TMTC2: variants seen among roughly 807,000 people sequenced by gnomAD.
TMTC2 encodes the protein protein O-mannosyl-transferase TMTC2.
A neutral mutation model predicts 82.4 loss-of-function variants in TMTC2; 43 were observed. That is an observed-to-expected ratio of 0.52 (90% confidence interval 0.41 to 0.67). TMTC2 has a LOEUF of 0.67. TMTC2 is among the 30% of genes least tolerant of loss of function. TMTC2 has a pLI of 0.00. For missense variants in TMTC2, 919 were observed against 1,012.4 expected (o/e 0.91, Z 1.25); for synonymous variants, 408 against 381.9 (o/e 1.07, Z -0.80).
At chr12:82,983,745 A>G (rs1462144383) in intron 7 of TMTC2, among the ~76,000 whole-genome samples, 1 of 152,040 alleles carries the variant, frequency 6.6e-6, no homozygotes, top group Non-Finnish European at 1.5e-5. Context: ...TTGATTTTGT[A>G]TGGGACCTGT....
At chr12:82,974,375 C>T (rs1878577467) in intron 7 of TMTC2, among the ~76,000 whole-genome samples, 1 of 152,154 alleles carries the variant, frequency 6.6e-6, no homozygotes, top group South Asian at 2.1e-4. Context: ...TTTTATGTTA[C>T]ACCTGGAAAA....
At chr12:83,123,919 C>G (rs889908532) in intron 11 of TMTC2, among the ~76,000 whole-genome samples, 1 of 152,282 alleles carries the variant, frequency 6.6e-6, no homozygotes, top group East Asian at 1.9e-4. Flanking sequence ...ACAGCTCAGT[C>G]TTAGTATCTC....
intron 7 of TMTC2, among the ~76,000 whole-genome samples, chr12:82,979,660 T>C (rs1306722008): frequency 6.6e-6 from 1 of 151,872 alleles, no homozygotes. Flanking sequence ...TAATATTCTG[T>C]GTTTTTCTCC....
chr12:82,780,612 G>C (rs1877852832), intron 1 of TMTC2, among the ~76,000 whole-genome samples: 1 of 152,056 alleles, frequency 6.6e-6, no homozygotes, highest in Non-Finnish European at 1.5e-5. Context: ...TGAAAAGAAA[G>C]ATTAGGAAAT....
intron 1 of TMTC2, among the ~76,000 whole-genome samples, chr12:82,708,934 G>C (rs1307113129): frequency 2.6e-5 from 4 of 152,128 alleles, no homozygotes; most frequent in Admixed American, 2.0e-4. Flanking sequence ...TACTGGTCCT[G>C]ATTTTCTGTG....
chr12:82,694,103 T>A (rs1040386731), intron 1 of TMTC2, among the ~76,000 whole-genome samples: 19 of 152,064 alleles, frequency 1.2e-4, no homozygotes, highest in Admixed American at 2.6e-4. Flanking sequence ...AGTAAACCTA[T>A]CTGTGTAAAC....
At chr12:83,062,783 T>C (rs1001782075) in intron 11 of TMTC2, among the ~76,000 whole-genome samples, 2 of 151,736 alleles carry the variant, frequency 1.3e-5, no homozygotes, top group Non-Finnish European at 2.9e-5. Context: ...TATACAGAGG[T>C]ATATACAGTC....
At chr12:82,786,041 C>T (rs1446944009) in intron 1 of TMTC2, among the ~76,000 whole-genome samples, 2 of 152,000 alleles carry the variant, frequency 1.3e-5, no homozygotes, top group African/African-American at 2.4e-5. Context: ...CATTGCCTGT[C>T]GAACAATACA....
Position 82,802,091 on chromosome 12 carries a change from T to C in TMTC2, c.84-54919T>C, listed in dbSNP as rs140675049. Among the ~76,000 whole-genome samples, 418 of 151,780 alleles carry C rather than the reference T, an allele frequency of 2.8e-3. 1 individual carries two copies. Among genetic ancestry groups the C allele is most frequent in the African/African-American group, 9.3e-3 (385 of 41,380 alleles). On this transcript the variant is annotated intron_variant, in intron 1 of 11. Coordinates refer to ENST00000321196, the MANE Select transcript of TMTC2 (RefSeq NM_152588.3). ...GAACTGGGCGCCATGGAGCAGGGGG[T>C]GGCGTTCGTGGGGGAGGCTCTGGCA... is the stretch of plus-strand genomic sequence containing the variant.
chr12:82,980,259 G>C (rs1168291299), intron 7 of TMTC2, among the ~76,000 whole-genome samples: 5 of 151,498 alleles, frequency 3.3e-5, no homozygotes, highest in African/African-American at 1.2e-4. Context: ...CTATAAAAGG[G>C]AACTTATCAT....
rs190392822 is a variant in TMTC2 at position 82,938,077 on chromosome 12, C to T, written c.1598+7532C>T. Among the ~76,000 whole-genome samples, 304 of 151,670 alleles carry T rather than the reference C, an allele frequency of 2.0e-3. 1 individual carries two copies. Among genetic ancestry groups the T allele is most frequent in the African/African-American group, 7.0e-3 (289 of 41,284 alleles). On this transcript the variant is annotated intron_variant, in intron 4 of 11. Coordinates refer to ENST00000321196, the MANE Select transcript of TMTC2 (RefSeq NM_152588.3). Reference sequence around the variant, plus strand: ...TACAGATACCCACCACCACACCCGGCTAATTTTTGTATTTTTAGTAGAGAC... The same window carrying T: ...TACAGATACCCACCACCACACCCGGTTAATTTTTGTATTTTTAGTAGAGAC...
intron 1 of TMTC2, among the ~76,000 whole-genome samples, chr12:82,713,988 A>G (rs1276360666): frequency 6.6e-6 from 1 of 152,204 alleles, no homozygotes; most frequent in Non-Finnish European, 1.5e-5. Context: ...GGACTGTCTC[A>G]TTTATTTCTT....
At chr12:82,706,152 T>C (rs1413562671) in intron 1 of TMTC2, among the ~76,000 whole-genome samples, 1 of 151,400 alleles carries the variant, frequency 6.6e-6, no homozygotes, top group Non-Finnish European at 1.5e-5. Context: ...CTACTAAAAG[T>C]ACGAAAATTA....
intron 1 of TMTC2, among the ~76,000 whole-genome samples, chr12:82,767,406 A>T (rs1259307032): frequency 2.6e-5 from 4 of 152,158 alleles, no homozygotes; most frequent in Non-Finnish European, 4.4e-5. Flanking sequence ...CAACATAGTG[A>T]GATCCTGTGT....
intron 1 of TMTC2, among the ~76,000 whole-genome samples, chr12:82,782,791 C>T (rs1877971631): frequency 6.6e-6 from 1 of 152,134 alleles, no homozygotes; most frequent in Admixed American, 6.5e-5. Context: ...TGATTCAAGG[C>T]TTGTGTGATG....
chr12:82,926,904 A>G (rs78224640), intron 3 of TMTC2, among the ~76,000 whole-genome samples: 312 of 152,352 alleles, frequency 2.0e-3, no homozygotes, highest in African/African-American at 7.1e-3. Context: ...TACTGCTCAG[A>G]AAGAAATTGT....
rs1565780735 is a variant in TMTC2, at chr12:82,857,516, CA to C, written c.591del (p.Val198PhefsTer10). ...EQGVTVLAVS[A>X]VYDVFVFHRL... is the part of the protein sequence containing the mutation. ...GGAGTGACTGTTCTCGCAGTTTCAG[CA>C]GTTTATGATGTCTTTGTCTTTCACA... is the stretch of plus-strand genomic sequence containing the variant. On this transcript the variant is annotated frameshift_variant, in exon 2 of 12. Transcript: ENST00000321196. LOFTEE classifies it high-confidence loss of function. The C allele has an allele frequency of 1.9e-6, 3 of 1,614,076 alleles. No individual in the cohort carries two copies.
At chr12:82,701,729 C>G (rs142786487) in intron 1 of TMTC2, among the ~76,000 whole-genome samples, 2 of 148,866 alleles carry the variant, frequency 1.3e-5, no homozygotes, top group Admixed American at 1.4e-4. Flanking sequence ...CCATTGTGCT[C>G]TACCCTGGGC....
At chr12:82,715,120 A>C (rs1873832158) in intron 1 of TMTC2, among the ~76,000 whole-genome samples, 1 of 152,022 alleles carries the variant, frequency 6.6e-6, no homozygotes, top group Non-Finnish European at 1.5e-5. Context: ...AAATACAAAA[A>C]ATTAACCAGG....
Sources: allele counts gnomAD v4.1 joint callset (sites outside exome capture counted in the v4.1 genomes callset), GRCh38; gene constraint gnomAD v4.1.1; transcripts MANE v1.5; gene names NCBI Gene and HGNC (gene_info 2026-07-23, HGNC 2026-07-21).